NOX4: variants seen among roughly 807,000 people sequenced by gnomAD.
NOX4 encodes the protein NADPH oxidase 4, also known as kidney oxidase-1.
NOX4 carries 69 observed loss-of-function variants against 87.6 expected under a neutral mutation model. The ratio of observed to expected loss-of-function variants is 0.79; its 90% CI spans 0.65 to 0.96. The LOEUF (loss-of-function observed/expected upper bound fraction) is 0.96. NOX4 is among the 40% of genes least tolerant of loss of function. The pLI is 0.00. For synonymous variants in NOX4, 275 were observed against 238.2 expected (o/e 1.15, Z -1.42); for missense variants, 680 against 681.5 (o/e 1.00, Z 0.02).
chr11:89,454,014 T>C (rs1945079675), intron 2 of NOX4, among the ~76,000 whole-genome samples: 1 of 152,134 alleles, frequency 6.6e-6, no homozygotes, highest in South Asian at 2.1e-4. Flanking sequence ...TTGTTCTTGT[T>C]CTTTTATCAT....
chr11:89,535,094 C>A, the NOX4 span, among the ~76,000 whole-genome samples: 1 of 152,132 alleles, frequency 6.6e-6, no homozygotes, highest in Non-Finnish European at 1.5e-5. Flanking sequence ...GTTCTTGTTA[C>A]ATTTTTTTCT....
chr11:89,517,617 C>T, the NOX4 span, among the ~76,000 whole-genome samples: 1 of 148,026 alleles, frequency 6.8e-6, no homozygotes, highest in South Asian at 2.2e-4. Flanking sequence ...AGGTATATGA[C>T]ACCACAACTG....
At chr11:89,471,952 G>A (rs1022186656) in intron 2 of NOX4, among the ~76,000 whole-genome samples, 18 of 152,172 alleles carry the variant, frequency 1.2e-4, no homozygotes, top group African/African-American at 4.1e-4. Flanking sequence ...CAGTTGGTGA[G>A]GCTGGCCTTG....
the NOX4 span, among the ~76,000 whole-genome samples, chr11:89,527,977 T>C: frequency 7.8e-6 from 1 of 127,994 alleles, no homozygotes; most frequent in Admixed American, 7.3e-5. Flanking sequence ...TGGCAGCCTG[T>C]GAAAGCATCT....
chr11:89,443,692 C>T (rs1479148807), intron 5 of NOX4: 1 of 153,322 alleles, frequency 6.5e-6, no homozygotes, highest in Non-Finnish European at 1.5e-5. Context: ...ATCATGAAAA[C>T]TCACTAACAT....
intron 8 of NOX4, among the ~76,000 whole-genome samples, chr11:89,410,757 T>G (rs1238043829): frequency 6.6e-6 from 1 of 152,188 alleles, no homozygotes; most frequent in Admixed American, 6.5e-5. Flanking sequence ...TGGGCTAAAG[T>G]GCTCTGGGAT....
chr11:89,535,104 T>C, the NOX4 span, among the ~76,000 whole-genome samples: 1 of 152,150 alleles, frequency 6.6e-6, no homozygotes, highest in Non-Finnish European at 1.5e-5. Context: ...CATTTTTTTC[T>C]TATCAGAGTA....
chr11:89,465,234 G>A (rs1945626368), intron 2 of NOX4, among the ~76,000 whole-genome samples: 1 of 152,078 alleles, frequency 6.6e-6, no homozygotes, highest in Non-Finnish European at 1.5e-5. Context: ...AACATGCAGT[G>A]TTTGGTTTTC....
intron 2 of NOX4, among the ~76,000 whole-genome samples, chr11:89,455,631 T>C (rs940052698): frequency 4.0e-5 from 6 of 151,786 alleles, no homozygotes; most frequent in Non-Finnish European, 5.9e-5. Flanking sequence ...TGTCCACCAA[T>C]AACTTTAAAT....
chr11:89,443,846 G>C (rs925790671), intron 5 of NOX4: 1 of 300,064 alleles, frequency 3.3e-6, no homozygotes, highest in Non-Finnish European at 6.2e-6. Flanking sequence ...TGAATGATAG[G>C]AATTAGACAA....
chr11:89,328,308 C>A (rs1380073353), intron 17 of NOX4, among the ~76,000 whole-genome samples: 2 of 152,112 alleles, frequency 1.3e-5, no homozygotes, highest in African/African-American at 4.8e-5. Context: ...CACAGGACTG[C>A]AAATAATTTG....
At chr11:89,376,043 G>A (rs181282247) in intron 11 of NOX4, among the ~76,000 whole-genome samples, 205 of 152,308 alleles carry the variant, frequency 1.3e-3, no homozygotes, top group African/African-American at 4.7e-3. Flanking sequence ...TACACACAAT[G>A]TTTAATATCT....
chr11:89,358,402 A>AAAG (rs1938249891), intron 12 of NOX4, among the ~76,000 whole-genome samples: 3 of 149,376 alleles, frequency 2.0e-5, no homozygotes, highest in Admixed American at 6.7e-5. Flanking sequence ...AAAAAAAAAA[A>AAAG]AAAAGAAAAG....
chr11:89,392,585 T>C (rs1941205924), intron 11 of NOX4, among the ~76,000 whole-genome samples: 1 of 152,138 alleles, frequency 6.6e-6, no homozygotes, highest in Non-Finnish European at 1.5e-5. Flanking sequence ...GACAAAAATA[T>C]CAAGTACATG....
the NOX4 span, among the ~76,000 whole-genome samples, chr11:89,586,266 C>G: frequency 2.0e-5 from 3 of 152,132 alleles, no homozygotes; most frequent in African/African-American, 7.2e-5. Context: ...TTCTATTCAA[C>G]TGAAGCCTTA....
chr11:89,389,097 T>C (rs1435939623), intron 11 of NOX4, among the ~76,000 whole-genome samples: 1 of 152,172 alleles, frequency 6.6e-6, no homozygotes, highest in African/African-American at 2.4e-5. Context: ...TAAGGTCCTA[T>C]AATTTCCATC....
intron 7 of NOX4, among the ~76,000 whole-genome samples, chr11:89,427,809 A>C (rs1011922389): frequency 6.6e-6 from 1 of 152,366 alleles, no homozygotes; most frequent in South Asian, 2.1e-4. Flanking sequence ...GATATTATCC[A>C]GGAGAACTTC....
chr11:89,385,167 C>A (rs928563884), intron 11 of NOX4, among the ~76,000 whole-genome samples: 3 of 152,122 alleles, frequency 2.0e-5, no homozygotes, highest in African/African-American at 7.2e-5. Context: ...CCTTCCATAT[C>A]CTGCACCACC....
chr11:89,387,425 A>G (rs1184147051), intron 11 of NOX4, among the ~76,000 whole-genome samples: 1 of 151,928 alleles, frequency 6.6e-6, no homozygotes, highest in Non-Finnish European at 1.5e-5. Context: ...CACAAATCCT[A>G]TAAAATGGCC....
Sources: gnomAD v4.1 joint callset for allele counts (sites outside exome capture counted in the v4.1 genomes callset) on GRCh38, gnomAD v4.1.1 for gene constraint, MANE v1.5 for transcripts, NCBI Gene and HGNC (gene_info 2026-07-23, HGNC 2026-07-21) for gene names.